The following GANC variants were observed in gnomAD, a reference collection of about 807,000 sequenced individuals.
GANC encodes glucosidase alpha, neutral C.
In GANC, 117 loss-of-function variants were observed where a neutral mutation model predicts 124.2. The observed-to-expected ratio is 0.94, with a 90% confidence interval of 0.81 to 1.10. GANC has a LOEUF of 1.10. GANC is among the 50% of genes least tolerant of loss of function. The pLI is 0.00. For missense variants in GANC, 1,140 were observed against 1,095.0 expected (o/e 1.04, Z -0.58); for synonymous variants, 377 against 376.8 (o/e 1.00, Z -0.01).
chr15:42,310,557 C>A, intron 9 of GANC, 94 bp downstream of exon 9: 1 of 1,453,316 alleles, frequency 6.9e-7, no homozygotes, highest in Non-Finnish European at 9.2e-7. Context: ...TGGCACTTCT[C>A]TGCCAACAAA....
intron 11 of GANC, among the ~76,000 whole-genome samples, chr15:42,322,329 A>G (rs749819509): frequency 2.4e-4 from 37 of 152,154 alleles, no homozygotes; most frequent in East Asian, 1.9e-4. Flanking sequence ...CCATGTCTCA[A>G]TTGGTGACAC....
intron 19 of GANC, 127 bp downstream of exon 19, chr15:42,343,281 TATA>T (rs2052341077): frequency 2.6e-6 from 2 of 766,468 alleles, no homozygotes; most frequent in Admixed American, 4.7e-5. Flanking sequence ...AAGTAATTAT[TATA>T]ATAAGTCATG....
intron 1 of GANC, 189 bp from the exon 2 acceptor site, chr15:42,276,159 T>C: frequency 2.3e-6 from 1 of 442,640 alleles, no homozygotes; most frequent in East Asian, 4.2e-5. Context: ...CCTCAGAGGG[T>C]TTACAAAAGG....
At chr15:42,350,241 C>A (rs924645252) in intron 22 of GANC, among the ~76,000 whole-genome samples, 2 of 148,242 alleles carry the variant, frequency 1.3e-5, no homozygotes, top group African/African-American at 5.0e-5. Flanking sequence ...TGTTGGTCAG[C>A]CTGGTCTCGA....
intron 5 of GANC, among the ~76,000 whole-genome samples, chr15:42,296,956 T>TATTTTTTC (rs1453240480): frequency 6.6e-6 from 1 of 152,038 alleles, no homozygotes; most frequent in Non-Finnish European, 1.5e-5. Flanking sequence ...GAAATGCATT[T>TATTTTTTC]ATTTTTTCTA....
intron 6 of GANC, among the ~76,000 whole-genome samples, chr15:42,298,311 C>T (rs1042585635): frequency 4.6e-5 from 7 of 151,988 alleles, no homozygotes; most frequent in African/African-American, 1.7e-4. Flanking sequence ...TGGTATGTAA[C>T]GAGGCTAGAA....
Position 42,351,414 on chromosome 15 carries a change from G to C in GANC, c.2617G>C (p.Val873Leu), listed in dbSNP as rs773253506. 8.1e-6 allele frequency: 13 copies of C among 1,612,826 alleles called. No individual in the cohort carries two copies. The highest frequency in any genetic ancestry group is 1.1e-5 in the Non-Finnish European group (13 of 1,178,976). The part of the protein sequence containing the change: ...VLGFRKEPSS[V>L]TTHSSDGKDQ... Reference sequence around the variant, plus strand: ...AGGCTTCAGGAAGGAGCCATCTTCTGTGACTACCCACTCATCTGGTGAGAA... The same window carrying C: ...AGGCTTCAGGAAGGAGCCATCTTCTCTGACTACCCACTCATCTGGTGAGAA... Residue 873 changes from valine (V) to leucine (L), a missense_variant, in exon 23 of 24, where the codon GTG becomes CTG. Coordinates refer to ENST00000318010, the MANE Select transcript of GANC (RefSeq NM_198141.3).
At chr15:42,288,874 A>G (rs1595764847) in intron 4 of GANC, among the ~76,000 whole-genome samples, 1 of 152,114 alleles carries the variant, frequency 6.6e-6, no homozygotes, top group East Asian at 1.9e-4. Flanking sequence ...CAGTTTGACA[A>G]TTGAATCAAT....
intron 6 of GANC, among the ~76,000 whole-genome samples, chr15:42,304,999 TAAA>T (rs2051979554): frequency 6.6e-6 from 1 of 151,914 alleles, no homozygotes; most frequent in African/African-American, 2.4e-5. Context: ...TCTAAAACCT[TAAA>T]AACCCTAGAA....
intron 3 of GANC, among the ~76,000 whole-genome samples, chr15:42,281,345 A>G (rs2051731896): frequency 6.6e-6 from 1 of 152,210 alleles, no homozygotes; most frequent in South Asian, 2.1e-4. Flanking sequence ...GATGGTGATC[A>G]CTAATGTTGC....
At chr15:42,283,259 T>C (rs766293401) in intron 3 of GANC, among the ~76,000 whole-genome samples, 11 of 152,198 alleles carry the variant, frequency 7.2e-5, no homozygotes, top group African/African-American at 2.2e-4. Context: ...GGTCCTAATA[T>C]AGTGTTGTGC....
intron 5 of GANC, among the ~76,000 whole-genome samples, chr15:42,296,589 C>CA (rs1298118810): frequency 6.6e-6 from 1 of 152,112 alleles, no homozygotes; most frequent in African/African-American, 2.4e-5. Context: ...GACAGGGTTT[C>CA]ACCATGTTGG....
intron 16 of GANC, among the ~76,000 whole-genome samples, 163 bp from the exon 17 acceptor site, chr15:42,339,506 A>C (rs1462494898): frequency 1.3e-5 from 2 of 152,158 alleles, no homozygotes; most frequent in Admixed American, 6.5e-5. Flanking sequence ...AACAGGCTGA[A>C]TTATGTAGTA....
chr15:42,328,008 C>T (rs1306917005), intron 13 of GANC, among the ~76,000 whole-genome samples: 1 of 152,082 alleles, frequency 6.6e-6, no homozygotes, highest in African/African-American at 2.4e-5. Flanking sequence ...TGCATCATAC[C>T]ATTTGTCTTC....
chr15:42,349,361 G>T, intron 21 of GANC, 22 bp from the exon 22 acceptor site: 1 of 1,371,464 alleles, frequency 7.3e-7, no homozygotes, highest in Non-Finnish European at 1.0e-6. Flanking sequence ...AGCACATTCT[G>T]TCTCTGTGAT....
At chr15:42,286,830 A>C (rs963420678) in intron 3 of GANC, among the ~76,000 whole-genome samples, 1 of 152,256 alleles carries the variant, frequency 6.6e-6, no homozygotes, top group Non-Finnish European at 1.5e-5. Context: ...GTCATTTAAC[A>C]GACATAATAG....
chr15:42,330,769 C>A, intron 15 of GANC, 97 bp downstream of exon 15: 13 of 365,332 alleles, frequency 3.6e-5, no homozygotes, highest in Non-Finnish European at 5.6e-5. Context: ...CCTTCCTTTT[C>A]CTTTTTTTTT....
intron 2 of GANC, 29 bp downstream of exon 2, chr15:42,276,439 C>G (rs1479178946): frequency 1.0e-6 from 1 of 971,590 alleles, no homozygotes; most frequent in African/African-American, 1.6e-5. Flanking sequence ...GTAGCTAGAT[C>G]AAAACATCTC....
Position 42,330,618 on chromosome 15 carries a change from A to T in GANC, c.1687A>T (p.Lys563Ter). The T allele has an allele frequency of 6.2e-7, 1 of 1,612,276 alleles. No individual in the cohort carries two copies. The highest frequency in any genetic ancestry group is 8.5e-7 in the Non-Finnish European group (1 of 1,179,500). Residue 563 changes from lysine (K) to a stop codon, truncating the protein, a stop_gained, in exon 15 of 24, where the codon AAG becomes TAG. Transcript: ENST00000318010. LOFTEE classifies it high-confidence loss of function. ...AEGLIKRSKG[K>*]ERPFVLTRSF... ...AGGACTGATAAAACGATCTAAAGGG[A>T]AGGAGAGACCCTTTGTTCTTACACG...
Sources: gnomAD v4.1 joint callset for allele counts (sites outside exome capture counted in the v4.1 genomes callset) on GRCh38, gnomAD v4.1.1 for gene constraint, MANE v1.5 for transcripts, NCBI Gene and HGNC (gene_info 2026-07-23, HGNC 2026-07-21) for gene names.